The following AKT3 variants were observed in gnomAD, a reference collection of about 807,000 sequenced individuals.
AKT3 encodes the protein AKT serine/threonine kinase 3.
A neutral mutation model predicts 65.3 loss-of-function variants in AKT3; 15 were observed. That is an observed-to-expected ratio of 0.23 (90% CI 0.15 to 0.35). The LOEUF is 0.35. AKT3 is among the 10% of genes least tolerant of loss of function. The probability of loss-of-function intolerance (pLI) is 1.00; values close to 1 mark genes in which losing one functional copy is unlikely to be tolerated. For missense variants in AKT3, 243 were observed against 576.5 expected (o/e 0.42, Z 5.92); for synonymous variants, 206 against 183.8 (o/e 1.12, Z -0.98).
At chr1:243,542,976 C>G (rs1479518241) in intron 12 of AKT3, among the ~76,000 whole-genome samples, 1 of 152,120 alleles carries the variant, frequency 6.6e-6, no homozygotes, top group Non-Finnish European at 1.5e-5. Flanking sequence ...TTTACAGAAA[C>G]AGTCATTTTG....
intron 11 of AKT3, among the ~76,000 whole-genome samples, chr1:243,550,130 T>G (rs1404517515): frequency 6.6e-6 from 1 of 152,210 alleles, no homozygotes; most frequent in Admixed American, 6.5e-5. Flanking sequence ...AACAGTACTT[T>G]GTATGTAGTT....
At chr1:243,828,769 C>T (rs539752442) in intron 2 of AKT3, among the ~76,000 whole-genome samples, 3 of 152,236 alleles carry the variant, frequency 2.0e-5, no homozygotes, top group East Asian at 3.9e-4. Flanking sequence ...GTGAGGGAGT[C>T]AAAAGTGATT....
intron 8 of AKT3, among the ~76,000 whole-genome samples, chr1:243,583,085 T>C (rs948874162): frequency 6.8e-6 from 1 of 147,784 alleles, no homozygotes; most frequent in African/African-American, 2.5e-5. Context: ...ATATATATCT[T>C]CCATATATAT....
At chr1:243,707,858 A>G (rs1345872618) in intron 2 of AKT3, among the ~76,000 whole-genome samples, 1 of 152,138 alleles carries the variant, frequency 6.6e-6, no homozygotes, top group Admixed American at 6.5e-5. Context: ...AGTGTATTTC[A>G]ACTTCTAGTA....
At chr1:243,585,967 A>G (rs943548016) in intron 8 of AKT3, among the ~76,000 whole-genome samples, 1 of 152,180 alleles carries the variant, frequency 6.6e-6, no homozygotes, top group African/African-American at 2.4e-5. Context: ...GGGATAAAAT[A>G]TTCATAAACT....
At chr1:243,837,365 G>A (rs1367076532) in intron 2 of AKT3, among the ~76,000 whole-genome samples, 2 of 151,974 alleles carry the variant, frequency 1.3e-5, no homozygotes, top group African/African-American at 4.8e-5. Flanking sequence ...AACCCACATG[G>A]CTTCACTGAT....
rs1262009336 is a variant in AKT3, at chr1:243,583,191, TATATAC to T, written c.697-10149_697-10144del. Among the ~76,000 whole-genome samples, 33 of 71,230 alleles carry T rather than the reference TATATAC, an allele frequency of 4.6e-4. 1 individual carries two copies. Among genetic ancestry groups the T allele is most frequent in the African/African-American group, 1.7e-3 (32 of 19,386 alleles). The allele number at this position is 71,230 out of a possible 152,430, so 46.7% of individuals were successfully genotyped here. ...GTGTGTATATATATATATATATATA[TATATAC>T]ACACACACACACACACATATATCTT... On this transcript the variant is annotated intron_variant, in intron 8 of 13. Coordinates refer to ENST00000673466, the MANE Select transcript of AKT3 (RefSeq NM_005465.7).
At chr1:243,567,808 T>C (rs1421720541) in intron 9 of AKT3, among the ~76,000 whole-genome samples, 1 of 152,162 alleles carries the variant, frequency 6.6e-6, no homozygotes, top group Non-Finnish European at 1.5e-5. Context: ...AATCAGGAGA[T>C]AATAAAATGT....
At chr1:243,686,794 G>A (rs889858798) in intron 3 of AKT3, among the ~76,000 whole-genome samples, 2 of 147,204 alleles carry the variant, frequency 1.4e-5, no homozygotes, top group African/African-American at 5.0e-5. Context: ...CAGCCCAGTA[G>A]CTGGGACTAT....
rs1682609296 is a variant in AKT3 at position 243,664,220 on chromosome 1, AGAGTCTCGCTCTGTCGCCCAGGCTG to A, written c.284+527_284+551del. On this transcript the variant is annotated intron_variant, in intron 4 of 13. Coordinates refer to ENST00000673466, the MANE Select transcript of AKT3 (RefSeq NM_005465.7). ...TTTTTTTTTTTTTTTTTTTTGAGAC[AGAGTCTCGCTCTGTCGCCCAGGCTG>A]GAGTGCAGTGGCGCAATCTCGGCTC... is the stretch of plus-strand genomic sequence containing the variant. Among the ~76,000 whole-genome samples, 5 of 110,322 alleles carry A rather than the reference AGAGTCTCGCTCTGTCGCCCAGGCTG, an allele frequency of 4.5e-5. No homozygotes were observed. The Admixed American group carries it at 5.0e-4, about 11-fold the overall frequency. 72.4% of individuals were successfully genotyped at this position (110,322 alleles called of 152,430 possible). A position where few individuals can be genotyped will look rare whatever the true frequency, so the allele number is the denominator to read the frequency against.
chr1:243,605,557 T>C (rs1677339197), intron 8 of AKT3, among the ~76,000 whole-genome samples: 1 of 152,230 alleles, frequency 6.6e-6, no homozygotes, highest in Non-Finnish European at 1.5e-5. Context: ...TCACATCATT[T>C]AAATCAACTT....
chr1:243,787,564 G>A (rs1216811599), intron 2 of AKT3, among the ~76,000 whole-genome samples: 6 of 152,142 alleles, frequency 3.9e-5, no homozygotes, highest in Admixed American at 3.9e-4. Context: ...ATTCAGAGCT[G>A]AACCAAGCAG....
intron 9 of AKT3, 79 bp downstream of exon 9, chr1:243,572,847 T>C (rs2148506612): frequency 7.2e-7 from 1 of 1,386,624 alleles, no homozygotes; most frequent in Non-Finnish European, 9.6e-7. Context: ...CTCAAAACTG[T>C]ATAACTTTGT....
intron 3 of AKT3, among the ~76,000 whole-genome samples, chr1:243,673,696 C>T (rs1043189180): frequency 6.6e-6 from 1 of 150,740 alleles, no homozygotes; most frequent in East Asian, 2.0e-4. Context: ...TCACTGCAAC[C>T]TCCGCCTCCC....
intron 2 of AKT3, among the ~76,000 whole-genome samples, chr1:243,842,335 G>A (rs1695292336): frequency 6.6e-6 from 1 of 152,166 alleles, no homozygotes; most frequent in Non-Finnish European, 1.5e-5. Flanking sequence ...GAATGGAACA[G>A]TCCTCATCCT....
intron 3 of AKT3, among the ~76,000 whole-genome samples, chr1:243,681,679 A>G (rs1683930100): frequency 6.6e-6 from 1 of 152,138 alleles, no homozygotes; most frequent in Non-Finnish European, 1.5e-5. Context: ...ACTTGAAGAG[A>G]GCTGTCATCT....
chr1:243,709,348 G>A (rs1394998425), intron 2 of AKT3, among the ~76,000 whole-genome samples: 1 of 150,968 alleles, frequency 6.6e-6, no homozygotes. Flanking sequence ...CAGGTAAACA[G>A]CAAATTTACT....
chr1:243,819,364 C>T (rs1009135228), intron 2 of AKT3, among the ~76,000 whole-genome samples: 5 of 152,216 alleles, frequency 3.3e-5, no homozygotes, highest in Admixed American at 3.3e-4. Flanking sequence ...GCAAGGACAG[C>T]GGCTGTGGCA....
At chr1:243,588,814 C>T (rs1675992895) in intron 8 of AKT3, among the ~76,000 whole-genome samples, 1 of 152,044 alleles carries the variant, frequency 6.6e-6, no homozygotes, top group African/African-American at 2.4e-5. Context: ...AAAAAACCTC[C>T]TTGATATTGG....
Sources: allele counts gnomAD v4.1 joint callset (sites outside exome capture counted in the v4.1 genomes callset), GRCh38; gene constraint gnomAD v4.1.1; transcripts MANE v1.5; gene names NCBI Gene and HGNC (gene_info 2026-07-23, HGNC 2026-07-21).